The following EEF2K variants were observed in gnomAD, a reference collection of about 807,000 sequenced individuals.
EEF2K encodes eukaryotic elongation factor 2 kinase, also known as alternative protein EEF2K.
A neutral mutation model predicts 93.8 loss-of-function variants in EEF2K; 70 were observed. The observed-to-expected ratio is 0.75, with a 90% CI of 0.62 to 0.91. The LOEUF is 0.91. Among genes scored for constraint, EEF2K ranks in the 40% least tolerant of loss-of-function variants. The probability of loss-of-function intolerance (pLI) is 0.00; values close to 1 mark genes in which losing one functional copy is unlikely to be tolerated. For synonymous variants in EEF2K, 376 were observed against 380.8 expected, an observed-to-expected ratio of 0.99 and a Z score of 0.15; for missense variants, 935 against 972.9, an observed-to-expected ratio of 0.96 and a Z score of 0.52.
At chr16:22,238,597 G>T (rs2047191230) in intron 2 of EEF2K, among the ~76,000 whole-genome samples, 1 of 143,940 alleles carries the variant, frequency 6.9e-6, no homozygotes, top group South Asian at 2.2e-4. Context: ...AGTGAGCTAT[G>T]ATCCCACCAC....
chr16:22,258,404 G>C, intron 9 of EEF2K, 90 bp from the exon 10 acceptor site: 1 of 1,324,230 alleles, frequency 7.6e-7, no homozygotes, highest in Non-Finnish European at 1.1e-6. Context: ...GTGGATGAAG[G>C]GGTTTCAGGG....
intron 16 of EEF2K, among the ~76,000 whole-genome samples, chr16:22,279,665 GTC>G (rs1201755124): frequency 5.9e-5 from 9 of 152,118 alleles, no homozygotes; most frequent in South Asian, 4.2e-4. Flanking sequence ...TAGAGACACG[GTC>G]TCTCTACGTT....
intron 1 of EEF2K, among the ~76,000 whole-genome samples, chr16:22,209,984 TG>T (rs1408046546): frequency 6.6e-6 from 1 of 152,124 alleles, no homozygotes; most frequent in Non-Finnish European, 1.5e-5. Context: ...AGTGTAGAGA[TG>T]GGGTCTCACT....
chr16:22,245,078 A>T (rs1212161725), intron 3 of EEF2K, among the ~76,000 whole-genome samples: 1 of 152,014 alleles, frequency 6.6e-6, no homozygotes, highest in South Asian at 2.1e-4. Flanking sequence ...CCTGGCCGAC[A>T]TGGTGAAACC....
At chr16:22,254,824 T>C (rs1386985755) in intron 6 of EEF2K, among the ~76,000 whole-genome samples, 1 of 151,976 alleles carries the variant, frequency 6.6e-6, no homozygotes, top group Non-Finnish European at 1.5e-5. Context: ...CTCAGCACTT[T>C]GGAAAGCCCG....
chr16:22,206,891 G>GTGC (rs1290652361), intron 1 of EEF2K, among the ~76,000 whole-genome samples: 2 of 152,338 alleles, frequency 1.3e-5, no homozygotes, highest in East Asian at 3.9e-4. Context: ...TGGGGAAGTT[G>GTGC]TGCGGATTAA....
intron 1 of EEF2K, among the ~76,000 whole-genome samples, chr16:22,222,337 C>T (rs1217967208): frequency 6.6e-6 from 1 of 151,822 alleles, no homozygotes; most frequent in Non-Finnish European, 1.5e-5. Flanking sequence ...ACCTGAGTAG[C>T]TGGGACTACA....
chr16:22,212,026 G>C (rs900043181), intron 1 of EEF2K, among the ~76,000 whole-genome samples: 1 of 151,972 alleles, frequency 6.6e-6, no homozygotes, highest in African/African-American at 2.4e-5. Flanking sequence ...CCCACCAGGA[G>C]TAGAGTGTAC....
chr16:22,244,871 G>A (rs1050423536), intron 3 of EEF2K, 141 bp downstream of exon 3: 9 of 813,152 alleles, frequency 1.1e-5, no homozygotes, highest in African/African-American at 3.4e-5. Context: ...ATGCTAATGC[G>A]TGCTTAAGGC....
At chr16:22,276,909 A>G (rs1215762655) in intron 16 of EEF2K, among the ~76,000 whole-genome samples, 1 of 152,052 alleles carries the variant, frequency 6.6e-6, no homozygotes, top group Non-Finnish European at 1.5e-5. Flanking sequence ...ATACAAAATT[A>G]GCTGAGTGTG....
chr16:22,256,753 C>T lies in EEF2K; in HGVS notation c.624C>T (p.Asp208=). 6.2e-7 allele frequency: 1 copy of T among 1,613,774 alleles called. No individual in the cohort carries two copies. Among genetic ancestry groups the T allele is most frequent in the Non-Finnish European group, 8.5e-7 (1 of 1,179,874 alleles). The change falls in exon 7 of 18, where the codon GAC becomes GAT. Residue 208 remains aspartate (D), a synonymous_variant. Transcript: ENST00000263026. ...YNRHKPPKQV[D]IMQMCIIELK... ...CCCACTCCCCATCCCACCAGGTGGA[C>T]ATCATGCAGATGTGCATCATCGAGC...
At chr16:22,206,943 G>A (rs928125740) in intron 1 of EEF2K, among the ~76,000 whole-genome samples, 1 of 152,232 alleles carries the variant, frequency 6.6e-6, no homozygotes, top group African/African-American at 2.4e-5. Flanking sequence ...GCAATGGGCG[G>A]TGATCTGGCT....
chr16:22,274,723 T>G (rs994009070), intron 16 of EEF2K, among the ~76,000 whole-genome samples: 8 of 152,142 alleles, frequency 5.3e-5, no homozygotes, highest in African/African-American at 4.8e-5. Flanking sequence ...TCCTCCCGCC[T>G]CAGCCTCCTG....
At chr16:22,249,191 A>G (rs62044770) in intron 4 of EEF2K, among the ~76,000 whole-genome samples, 53,522 of 150,950 alleles carry the variant, frequency 0.35, 10,511 homozygotes, top group East Asian at 0.85. Flanking sequence ...GGCTGGTCTC[A>G]AACTCCTGGG....
chr16:22,233,725 C>A (rs565561858), intron 2 of EEF2K, among the ~76,000 whole-genome samples: 1 of 152,248 alleles, frequency 6.6e-6, no homozygotes, highest in South Asian at 2.1e-4. Context: ...CTGAGAATAT[C>A]TCAGAGCTCA....
chr16:22,250,519 C>T (rs778716451), intron 4 of EEF2K, 135 bp from the exon 5 acceptor site: 131 of 1,040,618 alleles, frequency 1.3e-4, no homozygotes, highest in Non-Finnish European at 1.8e-4. Context: ...AAGGGAGATC[C>T]CCAGGGATTT....
At chr16:22,273,518 C>T (rs2047605447) in intron 15 of EEF2K, 108 bp from the exon 16 acceptor site, 1 of 1,511,354 alleles carries the variant, frequency 6.6e-7, no homozygotes, top group Non-Finnish European at 8.9e-7. Flanking sequence ...AGCCTCCCAA[C>T]CCGGAGCTCT....
intron 16 of EEF2K, among the ~76,000 whole-genome samples, chr16:22,279,792 C>T (rs1181617989): frequency 6.6e-6 from 1 of 151,906 alleles, no homozygotes; most frequent in Non-Finnish European, 1.5e-5. Context: ...GTTAGGGGTT[C>T]GAGACCAGCC....
rs1466396472 is a variant in EEF2K at position 22,283,772 on chromosome 16, T to G, written c.2069-115T>G. ...TGGAGGGAGAGGGCACACGGAGTAG[T>G]TTGAGTTCTTAAGGAAACGTCAGGG... On this transcript the variant is annotated intron_variant, in intron 17 of 17. Coordinates refer to ENST00000263026, the MANE Select transcript of EEF2K (RefSeq NM_013302.5). The G allele has an allele frequency of 4.0e-6, 4 of 993,022 alleles. No individual in the cohort carries two copies. The South Asian group carries it at 5.9e-5, about 15-fold the overall frequency. 61.5% of individuals were successfully genotyped at this position (993,022 alleles called of 1,614,324 possible).
Sources: allele counts gnomAD v4.1 joint callset (sites outside exome capture counted in the v4.1 genomes callset), GRCh38; gene constraint gnomAD v4.1.1; transcripts MANE v1.5; gene names NCBI Gene and HGNC (gene_info 2026-07-23, HGNC 2026-07-21).